STXBP4: variants seen among roughly 807,000 people sequenced by gnomAD.
STXBP4 encodes the protein syntaxin-binding protein 4.
A neutral mutation model predicts 76.1 loss-of-function variants in STXBP4; 55 were observed. That is an observed-to-expected ratio of 0.72 (90% CI 0.58 to 0.91). The LOEUF (loss-of-function observed/expected upper bound fraction) is 0.91, where lower values mean the gene tolerates loss of function less well. STXBP4 is among the 40% of genes least tolerant of loss of function. The probability of loss-of-function intolerance (pLI) is 0.00; values close to 1 mark genes in which losing one functional copy is unlikely to be tolerated. For synonymous variants in STXBP4, 201 were observed against 220.2 expected (o/e 0.91, Z 0.77); for missense variants, 618 against 636.9 (o/e 0.97, Z 0.32).
Position 55,081,073 on chromosome 17 carries a change from C to T in STXBP4, c.1379C>T (p.Ser460Phe), listed in dbSNP as rs1180480330. The change falls in exon 16 of 18, where the codon TCT (serine) becomes TTT (phenylalanine). Residue 460 changes from serine to phenylalanine, a missense_variant. Coordinates refer to ENST00000376352, the MANE Select transcript of STXBP4 (RefSeq NM_178509.6). ...NLSERRAVLASQTSLTPLGRN... is the reference protein window; with the variant it reads ...NLSERRAVLAFQTSLTPLGRN... The stretch of plus-strand genomic sequence containing the variant: ...AGTGAAAGAAGAGCTGTGTTAGCTT[C>T]TCAGACTTCCCTCACACCACTGGGA... 6.5e-7 allele frequency: 1 copy of T among 1,527,822 alleles called. No homozygotes were observed. Among genetic ancestry groups the T allele is most frequent in the Non-Finnish European group, 8.7e-7 (1 of 1,144,980 alleles). 94.6% of individuals were successfully genotyped at this position (1,527,822 alleles called of 1,614,324 possible).
chr17:55,010,039 T>TTAAAA (rs764972642), intron 8 of STXBP4, among the ~76,000 whole-genome samples: 10 of 151,880 alleles, frequency 6.6e-5, no homozygotes, highest in Non-Finnish European at 8.8e-5. Flanking sequence ...GATCAGGTAT[T>TTAAAA]TAAAATAAAA....
intron 12 of STXBP4, among the ~76,000 whole-genome samples, chr17:55,058,745 C>T (rs373453397): frequency 2.6e-5 from 4 of 152,040 alleles, no homozygotes; most frequent in South Asian, 4.1e-4. Flanking sequence ...TTATGAAATA[C>T]GTTTCCCAGT....
chr17:55,048,224 A>T (rs950623033), intron 12 of STXBP4, among the ~76,000 whole-genome samples: 1 of 151,890 alleles, frequency 6.6e-6, no homozygotes, highest in Non-Finnish European at 1.5e-5. Flanking sequence ...GATAGGAAAG[A>T]AGGAAATAAG....
intron 16 of STXBP4, among the ~76,000 whole-genome samples, chr17:55,106,823 C>T (rs986511239): frequency 1.3e-5 from 2 of 151,816 alleles, no homozygotes; most frequent in African/African-American, 4.8e-5. Flanking sequence ...TGATGGGCTT[C>T]GCTTTGTGGG....
At chr17:54,991,053 C>CTAA in intron 4 of STXBP4, 96 bp downstream of exon 4, 1 of 1,323,778 alleles carries the variant, frequency 7.6e-7, no homozygotes, top group Non-Finnish European at 9.9e-7. Flanking sequence ...TTTATATCCA[C>CTAA]TGTGACCATA....
chr17:55,088,539 G>A (rs543836851), intron 16 of STXBP4, among the ~76,000 whole-genome samples: 1 of 152,186 alleles, frequency 6.6e-6, no homozygotes, highest in African/African-American at 2.4e-5. Flanking sequence ...TGGGATTACA[G>A]GTGCCTGCCA....
downstream of STXBP4, among the ~76,000 whole-genome samples, chr17:55,174,730 T>C (rs2080422774): frequency 6.6e-6 from 1 of 152,190 alleles, no homozygotes; most frequent in Admixed American, 6.5e-5. Context: ...AGTGATCTGA[T>C]TTGGGTTTCT....
chr17:55,178,119 A>G (rs2080437737), downstream of STXBP4, among the ~76,000 whole-genome samples: 1 of 152,250 alleles, frequency 6.6e-6, no homozygotes, highest in African/African-American at 2.4e-5. Flanking sequence ...TTGGTGATAT[A>G]TCATGTTAGA....
At chr17:55,018,845 T>C (rs2078255137) in intron 8 of STXBP4, among the ~76,000 whole-genome samples, 1 of 152,204 alleles carries the variant, frequency 6.6e-6, no homozygotes, top group Non-Finnish European at 1.5e-5. Flanking sequence ...TGGTGGAATG[T>C]CATCAGTTAA....
chr17:55,080,977 C>G, intron 15 of STXBP4, 73 bp from the exon 16 acceptor site: 1 of 1,282,208 alleles, frequency 7.8e-7, no homozygotes, highest in African/African-American at 1.5e-5. Context: ...ATAACTGATA[C>G]AACTTCAGAT....
chr17:55,043,501 G>C, intron 11 of STXBP4, 176 bp downstream of exon 11: 1 of 941,800 alleles, frequency 1.1e-6, no homozygotes, highest in Non-Finnish European at 1.6e-6. Flanking sequence ...TTAATTTTTG[G>C]TCTACATATT....
downstream of STXBP4, among the ~76,000 whole-genome samples, chr17:55,176,034 A>G (rs1157957291): frequency 6.6e-6 from 1 of 152,220 alleles, no homozygotes; most frequent in African/African-American, 2.4e-5. Context: ...ACGCATGTGC[A>G]AGAGGAGGTC....
At chr17:55,185,189 T>TTTCTTCTTCTTCTTCTTCTTC in the STXBP4 span, among the ~76,000 whole-genome samples, 59 of 87,734 alleles carry the variant, frequency 6.7e-4, 3 homozygotes, top group East Asian at 1.5e-3. Context: ...TCTTCTTCTT[T>TTTCTTCTTCTTCTTCTTCTTC]TTCTTCTTCT....
At chr17:55,072,591 T>C (rs2079134288) in intron 12 of STXBP4, among the ~76,000 whole-genome samples, 1 of 152,168 alleles carries the variant, frequency 6.6e-6, no homozygotes. Flanking sequence ...CTTTTTATCT[T>C]TTGAGCCCTT....
chr17:55,110,857 T>G (rs2079703946), intron 16 of STXBP4, among the ~76,000 whole-genome samples: 1 of 152,336 alleles, frequency 6.6e-6, no homozygotes, highest in Middle Eastern at 3.4e-3. Context: ...GACTTGGTTA[T>G]AGACTGTCTT....
At chr17:55,032,883 G>T (rs1287422898) in intron 9 of STXBP4, among the ~76,000 whole-genome samples, 1 of 152,090 alleles carries the variant, frequency 6.6e-6, no homozygotes, top group Non-Finnish European at 1.5e-5. Context: ...AGTGAAAGCT[G>T]CCAGTTGACA....
intron 17 of STXBP4, among the ~76,000 whole-genome samples, chr17:55,158,269 A>T (rs764999834): frequency 2.6e-5 from 4 of 152,192 alleles, no homozygotes; most frequent in Admixed American, 2.6e-4. Context: ...TCTCGGGAAC[A>T]TACTTTGGAA....
At chr17:55,062,447 T>C (rs2079005675) in intron 12 of STXBP4, among the ~76,000 whole-genome samples, 1 of 152,214 alleles carries the variant, frequency 6.6e-6, no homozygotes, top group Non-Finnish European at 1.5e-5. Context: ...TGCATAGTAT[T>C]ACCTGGTGTA....
At chr17:55,197,461 T>C in the STXBP4 span, among the ~76,000 whole-genome samples, 1 of 152,048 alleles carries the variant, frequency 6.6e-6, no homozygotes, top group Admixed American at 6.5e-5. Context: ...TCAGGCTGAG[T>C]GGCCAGGCGC....
Sources: gnomAD v4.1 joint callset for allele counts (sites outside exome capture counted in the v4.1 genomes callset) on GRCh38, gnomAD v4.1.1 for gene constraint, MANE v1.5 for transcripts, NCBI Gene and HGNC (gene_info 2026-07-23, HGNC 2026-07-21) for gene names.